CXCL13: variants seen among roughly 807,000 people sequenced by gnomAD.
CXCL13 encodes C-X-C motif chemokine 13.
Under a neutral mutation model 12.2 loss-of-function variants are expected in CXCL13, and 7 were observed. That is an observed-to-expected ratio of 0.57 (90% CI 0.33 to 1.07). The LOEUF (loss-of-function observed/expected upper bound fraction) is 1.07. CXCL13 is among the 50% of genes least tolerant of loss of function. The pLI is 0.04. For missense variants in CXCL13, 113 were observed against 127.4 expected, an observed-to-expected ratio of 0.89 and a Z score of 0.55; for synonymous variants, 47 against 42.4, an observed-to-expected ratio of 1.11 and a Z score of -0.42.
intron 1 of CXCL13, among the ~76,000 whole-genome samples, chr4:77,590,052 T>G (rs1357769980): frequency 6.6e-6 from 1 of 152,220 alleles, no homozygotes; most frequent in East Asian, 1.9e-4. Flanking sequence ...CTATTGATCA[T>G]TTTTATTAAC....
At chr4:77,521,665 A>T (rs1724604125) in intron 1 of CXCL13, among the ~76,000 whole-genome samples, 1 of 151,950 alleles carries the variant, frequency 6.6e-6, no homozygotes. Flanking sequence ...TAAAAAAAAC[A>T]GCTCCTGGAT....
intron 1 of CXCL13, among the ~76,000 whole-genome samples, chr4:77,553,008 G>A (rs1725570255): frequency 6.6e-6 from 1 of 152,206 alleles, no homozygotes; most frequent in Non-Finnish European, 1.5e-5. Context: ...TGCTGGTCCA[G>A]GCAAGGGGAT....
At chr4:77,537,394 A>G (rs1480883305) in intron 1 of CXCL13, among the ~76,000 whole-genome samples, 1 of 152,110 alleles carries the variant, frequency 6.6e-6, no homozygotes, top group Non-Finnish European at 1.5e-5. Context: ...TCTCCATCAC[A>G]CCTCCAGCTT....
chr4:77,550,055 C>T (rs1025588753), intron 1 of CXCL13, among the ~76,000 whole-genome samples: 1 of 152,234 alleles, frequency 6.6e-6, no homozygotes, highest in Admixed American at 6.5e-5. Flanking sequence ...ATGGCGGACA[C>T]CCCTCTCCCA....
At chr4:77,545,895 A>G (rs1296919092) in intron 1 of CXCL13, among the ~76,000 whole-genome samples, 3 of 152,110 alleles carry the variant, frequency 2.0e-5, no homozygotes, top group African/African-American at 4.8e-5. Flanking sequence ...TGTCATAAAT[A>G]CCTCTTATTA....
chr4:77,534,413 C>T (rs116476717), intron 1 of CXCL13, among the ~76,000 whole-genome samples: 3,150 of 152,166 alleles, frequency 0.021, 59 homozygotes, highest in Non-Finnish European at 0.029. Context: ...AGAAATAAAA[C>T]GACCAAATTA....
At chr4:77,518,639 G>C (rs1180988312) in intron 1 of CXCL13, among the ~76,000 whole-genome samples, 1 of 152,142 alleles carries the variant, frequency 6.6e-6, no homozygotes, top group Non-Finnish European at 1.5e-5. Flanking sequence ...TTGGCTTTCA[G>C]CTTCATCAGC....
chr4:77,547,723 T>C (rs1446040734), intron 1 of CXCL13, among the ~76,000 whole-genome samples: 3 of 152,172 alleles, frequency 2.0e-5, no homozygotes, highest in African/African-American at 2.4e-5. Flanking sequence ...GGGCATTTAG[T>C]CCATTTACAT....
At chr4:77,572,884 C>A (rs1303346130) in intron 1 of CXCL13, among the ~76,000 whole-genome samples, 1 of 151,382 alleles carries the variant, frequency 6.6e-6, no homozygotes, top group African/African-American at 2.5e-5. Context: ...TAAATATACA[C>A]CATGGAATAC....
At chr4:77,567,896 G>A (rs897093088) in intron 1 of CXCL13, among the ~76,000 whole-genome samples, 2 of 152,140 alleles carry the variant, frequency 1.3e-5, no homozygotes, top group Admixed American at 6.5e-5. Context: ...CATAAAAATA[G>A]CCAACCAGCA....
intron 1 of CXCL13, among the ~76,000 whole-genome samples, chr4:77,529,330 C>G (rs1718096982): frequency 2.0e-5 from 3 of 152,110 alleles, no homozygotes; most frequent in Non-Finnish European, 4.4e-5. Flanking sequence ...TCATTGGTAG[C>G]TTGATGGGGA....
intron 1 of CXCL13, among the ~76,000 whole-genome samples, chr4:77,523,639 T>A (rs1200886087): frequency 6.6e-6 from 1 of 152,216 alleles, no homozygotes. Flanking sequence ...TTCAGCTTCC[T>A]TGTGATGGGT....
intron 1 of CXCL13, among the ~76,000 whole-genome samples, chr4:77,532,665 C>T (rs564315690): frequency 2.4e-4 from 37 of 152,190 alleles, no homozygotes; most frequent in Non-Finnish European, 4.7e-4. Context: ...CCATTCTCCC[C>T]GTCACTTTCA....
chr4:77,610,777 G>A, intron 3 of CXCL13, 83 bp downstream of exon 3: 1 of 1,087,216 alleles, frequency 9.2e-7, no homozygotes, highest in Non-Finnish European at 1.4e-6. Flanking sequence ...ATAGGGACTA[G>A]CTTGAATTTA....
intron 1 of CXCL13, among the ~76,000 whole-genome samples, chr4:77,557,614 C>G (rs556525449): frequency 4.3e-4 from 66 of 152,282 alleles, no homozygotes; most frequent in African/African-American, 1.4e-3. Flanking sequence ...AAGATAATTG[C>G]CATTACCTGG....
intron 1 of CXCL13, among the ~76,000 whole-genome samples, chr4:77,580,180 C>T (rs1726285433): frequency 6.6e-6 from 1 of 151,830 alleles, no homozygotes. Context: ...ACACTAAAAG[C>T]CCTGACTTGA....
chr4:77,532,046 A>C (rs1560517170), intron 1 of CXCL13, among the ~76,000 whole-genome samples: 1 of 152,166 alleles, frequency 6.6e-6, no homozygotes, highest in Non-Finnish European at 1.5e-5. Context: ...GCCCATTTAC[A>C]TTTAAGGTTA....
intron 1 of CXCL13, among the ~76,000 whole-genome samples, chr4:77,514,588 G>A (rs1237524303): frequency 1.6e-4 from 24 of 146,584 alleles, no homozygotes; most frequent in Admixed American, 2.8e-4. Context: ...GTGTTTTTTG[G>A]CTGCATAAAT....
intron 1 of CXCL13, among the ~76,000 whole-genome samples, chr4:77,515,020 C>T (rs1226112062): frequency 6.6e-6 from 1 of 152,082 alleles, no homozygotes; most frequent in Non-Finnish European, 1.5e-5. Flanking sequence ...CAGCTTTCTA[C>T]ATATGGCTAG....
Sources: allele counts gnomAD v4.1 joint callset (sites outside exome capture counted in the v4.1 genomes callset), GRCh38; gene constraint gnomAD v4.1.1; transcripts MANE v1.5; gene names NCBI Gene and HGNC (gene_info 2026-07-23, HGNC 2026-07-21).